Variants in DDX60L observed in about 807,000 individuals in gnomAD.
DDX60L encodes the protein DExD/H-box 60 like, also known as probable ATP-dependent RNA helicase DDX60-like.
In DDX60L, 191 loss-of-function variants were observed where a neutral mutation model predicts 211.6. That is an observed-to-expected ratio of 0.90 (90% CI 0.80 to 1.02). The LOEUF (loss-of-function observed/expected upper bound fraction) is 1.02, where lower values mean the gene tolerates loss of function less well. Among genes scored for constraint, DDX60L ranks in the 50% least tolerant of loss-of-function variants. DDX60L has a pLI of 0.00. For missense variants in DDX60L, 2,007 were observed against 1,984.1 expected, an observed-to-expected ratio of 1.01 and a Z score of -0.22; for synonymous variants, 706 against 694.1, an observed-to-expected ratio of 1.02 and a Z score of -0.27.
In DDX60L at chr4:168,441,379, T is replaced by C. The variant is rs745526875; in HGVS notation, c.1252A>G (p.Thr418Ala). The change falls in exon 10 of 38, where the codon ACA becomes GCA. Residue 418 changes from threonine to alanine, a missense_variant. Transcript: ENST00000682922. ...TCTTGTCTAAGAAAATGTCTTCTTG[T>C]TGTTCTCAGAGGAAAAGACTTTCCA... is the stretch of plus-strand genomic sequence containing the variant. ...NVGKSFPLRT[T>A]RRHFLRQEKS... is the part of the protein sequence containing the mutation. 2.5e-6 allele frequency: 4 copies of C among 1,611,776 alleles called. No homozygotes were observed. Among genetic ancestry groups the C allele is most frequent in the Non-Finnish European group, 3.4e-6 (4 of 1,179,024 alleles).
Position 168,400,854 on chromosome 4 carries a change from C to G in DDX60L, c.3463G>C (p.Glu1155Gln). The G allele has an allele frequency of 6.2e-7, 1 of 1,611,788 alleles. No homozygotes were observed. The highest frequency in any genetic ancestry group is 8.5e-7 in the Non-Finnish European group (1 of 1,179,216). ...CTTTTCTGTGTCTTCCTCACTTTTT[C>G]AAGTACTTCATCTATTGCAAAGACA... ...SYVFAIDEVL[E>Q]KVRKTQKRIT... Residue 1155 changes from glutamate to glutamine, a missense_variant, in exon 26 of 38, where the codon GAA (glutamate) becomes CAA (glutamine). Physicochemically the swap from Glu to Gln is conservative, Grantham distance 29 (BLOSUM62 2). Coordinates refer to ENST00000682922, the MANE Select transcript of DDX60L (RefSeq NM_001012967.3).
chr4:168,446,411 C>A (rs1296211205), intron 9 of DDX60L, among the ~76,000 whole-genome samples: 1 of 152,148 alleles, frequency 6.6e-6, no homozygotes, highest in Non-Finnish European at 1.5e-5. Flanking sequence ...ACATTCCATG[C>A]TCATGGGTAG....
At chr4:168,429,793 G>A (rs899243091) in intron 13 of DDX60L, among the ~76,000 whole-genome samples, 1 of 152,200 alleles carries the variant, frequency 6.6e-6, no homozygotes, top group Non-Finnish European at 1.5e-5. Flanking sequence ...TAGTGAATGA[G>A]TGACTTGTGC....
At chr4:168,435,339 A>C (rs576162266) in intron 10 of DDX60L, among the ~76,000 whole-genome samples, 1 of 152,346 alleles carries the variant, frequency 6.6e-6, no homozygotes, top group African/African-American at 2.4e-5. Context: ...GTAAGCCAAA[A>C]GTAATACTGC....
intron 18 of DDX60L, 67 bp downstream of exon 18, chr4:168,420,194 C>A: frequency 7.7e-7 from 1 of 1,298,748 alleles, no homozygotes; most frequent in Non-Finnish European, 1.0e-6. Flanking sequence ...TGCAGATTCC[C>A]AGCAAAACAG....
intron 8 of DDX60L, among the ~76,000 whole-genome samples, chr4:168,450,903 T>C (rs1365540777): frequency 6.6e-6 from 1 of 152,188 alleles, no homozygotes; most frequent in Non-Finnish European, 1.5e-5. Flanking sequence ...CAAGATCTTG[T>C]CTCAAAACAA....
At chr4:168,452,757 T>C (rs1755974842) in intron 8 of DDX60L, among the ~76,000 whole-genome samples, 1 of 152,134 alleles carries the variant, frequency 6.6e-6, no homozygotes, top group Non-Finnish European at 1.5e-5. Flanking sequence ...CATATTATTA[T>C]TTTTTCTTCA....
chr4:168,419,320 T>C lies in DDX60L; in HGVS notation c.2592A>G (p.Arg864=), dbSNP rs1213816701. The C allele has an allele frequency of 1.3e-6, 2 of 1,596,982 alleles. No homozygotes were observed. Among genetic ancestry groups the C allele is most frequent in the African/African-American group, 2.7e-5 (2 of 74,686 alleles). ...AACCTACCTCATCAAATATAACATA[T>C]CTGATCCTTTCCACCCATTTTTGGC... ...PHRQKWVERI[R]YVIFDEVHYL... Residue 864 remains arginine (R), a synonymous_variant, in exon 19 of 38, where the codon AGA becomes AGG. Coordinates refer to ENST00000682922, the MANE Select transcript of DDX60L (RefSeq NM_001012967.3).
chr4:168,435,322 A>C (rs1166980805), intron 10 of DDX60L, among the ~76,000 whole-genome samples: 2 of 152,236 alleles, frequency 1.3e-5, no homozygotes, highest in Non-Finnish European at 2.9e-5. Context: ...CTATACTTAG[A>C]AAAATTGTAA....
chr4:168,366,669 T>G (rs1376798727), intron 36 of DDX60L, among the ~76,000 whole-genome samples: 1 of 151,942 alleles, frequency 6.6e-6, no homozygotes, highest in Non-Finnish European at 1.5e-5. Context: ...GTCCCAAATA[T>G]GCAAAGCAAT....
intron 8 of DDX60L, among the ~76,000 whole-genome samples, chr4:168,451,266 A>T (rs1214661723): frequency 1.3e-5 from 2 of 152,164 alleles, no homozygotes; most frequent in Non-Finnish European, 2.9e-5. Context: ...ATGTGTCCCA[A>T]ATTTTTATTC....
chr4:168,409,309 T>C (rs1174014572), intron 22 of DDX60L, among the ~76,000 whole-genome samples: 2 of 152,148 alleles, frequency 1.3e-5, no homozygotes, highest in East Asian at 3.8e-4. Flanking sequence ...CTACTGAGAA[T>C]AGACGAAGGC....
At chr4:168,396,755 G>A (rs909851438) in intron 26 of DDX60L, among the ~76,000 whole-genome samples, 3 of 150,482 alleles carry the variant, frequency 2.0e-5, no homozygotes, top group Non-Finnish European at 4.4e-5. Context: ...CTCTCTCCCA[G>A]GTATTTTTCC....
intron 37 of DDX60L, among the ~76,000 whole-genome samples, chr4:168,358,627 G>A (rs1410691624): frequency 6.7e-6 from 1 of 149,150 alleles, no homozygotes; most frequent in East Asian, 2.0e-4. Flanking sequence ...CTGCCTCCTG[G>A]GTTCAAGCAA....
chr4:168,441,007 A>G (rs1753752013), intron 10 of DDX60L, among the ~76,000 whole-genome samples: 1 of 152,128 alleles, frequency 6.6e-6, no homozygotes, highest in Non-Finnish European at 1.5e-5. Flanking sequence ...ATCATATTGA[A>G]GTCTGTTAAA....
chr4:168,418,364 G>A (rs1963567), intron 19 of DDX60L, among the ~76,000 whole-genome samples: 29,086 of 151,946 alleles, frequency 0.19, 3,123 homozygotes, highest in African/African-American at 0.29. Context: ...CACCACACCC[G>A]GCCTCATTAC....
intron 1 of DDX60L, among the ~76,000 whole-genome samples, chr4:168,474,144 AC>A (rs1759179594): frequency 6.6e-6 from 1 of 152,210 alleles, no homozygotes; most frequent in Non-Finnish European, 1.5e-5. Flanking sequence ...AAAGTTAAGT[AC>A]TATTTGAAAA....
chr4:168,368,290 A>G (rs1740343295), intron 36 of DDX60L, among the ~76,000 whole-genome samples: 1 of 152,200 alleles, frequency 6.6e-6, no homozygotes, highest in Non-Finnish European at 1.5e-5. Context: ...ATGGCTGAAA[A>G]AGGCTAATGT....
chr4:168,476,334 T>G (rs1759481877), intron 1 of DDX60L, among the ~76,000 whole-genome samples: 1 of 152,124 alleles, frequency 6.6e-6, no homozygotes, highest in Non-Finnish European at 1.5e-5. Context: ...TTCCTCATTT[T>G]GAAACATCTA....
Sources: allele counts gnomAD v4.1 joint callset (sites outside exome capture counted in the v4.1 genomes callset), GRCh38; gene constraint gnomAD v4.1.1; transcripts MANE v1.5; gene names NCBI Gene and HGNC (gene_info 2026-07-23, HGNC 2026-07-21).